The following COMMD10 variants were observed in gnomAD, a reference collection of about 807,000 sequenced individuals.
COMMD10 encodes COMM domain containing 10, also known as COMM domain-containing protein 10.
COMMD10 carries 33 observed loss-of-function variants against 28.9 expected under a neutral mutation model. The observed-to-expected ratio is 1.14, with a 90% CI of 0.87 to 1.53. The LOEUF (loss-of-function observed/expected upper bound fraction) is 1.53. Among genes scored for constraint, COMMD10 ranks in the 40% most tolerant of loss-of-function variants. COMMD10 has a pLI of 0.00. For missense variants in COMMD10, 310 were observed against 233.4 expected (o/e 1.33, Z -2.14); for synonymous variants, 110 against 81.7 (o/e 1.35, Z -1.87).
intron 5 of COMMD10, among the ~76,000 whole-genome samples, chr5:116,171,388 A>G (rs1010244968): frequency 2.6e-5 from 4 of 152,194 alleles, no homozygotes; most frequent in Admixed American, 2.6e-4. Flanking sequence ...TGGGAGTGTA[A>G]ATTAGTTCAA....
At chr5:116,133,999 A>G in intron 4 of COMMD10, 69 bp from the exon 5 acceptor site, 1 of 906,390 alleles carries the variant, frequency 1.1e-6, no homozygotes, top group Non-Finnish European at 1.9e-6. Context: ...CTGAGTGGAG[A>G]TTTGCTTAAA....
intron 5 of COMMD10, among the ~76,000 whole-genome samples, chr5:116,219,904 A>T (rs1215115032): frequency 1.3e-5 from 2 of 152,152 alleles, no homozygotes; most frequent in Admixed American, 1.3e-4. Flanking sequence ...ATTTTTTTCA[A>T]ACACTGATGG....
intron 5 of COMMD10, among the ~76,000 whole-genome samples, chr5:116,169,741 A>G (rs142568627): frequency 0.029 from 4,380 of 152,312 alleles, 107 homozygotes; most frequent in East Asian, 0.13. Context: ...CAAAAACCAC[A>G]TTATTATCTC....
chr5:116,202,347 C>T (rs1040929327), intron 5 of COMMD10, among the ~76,000 whole-genome samples: 21 of 151,736 alleles, frequency 1.4e-4, no homozygotes, highest in African/African-American at 3.9e-4. Context: ...AATAAACATA[C>T]GTGTGCATGT....
chr5:116,097,167 A>G (rs1002904475), intron 4 of COMMD10, among the ~76,000 whole-genome samples: 2 of 152,208 alleles, frequency 1.3e-5, no homozygotes, highest in African/African-American at 4.8e-5. Flanking sequence ...AAAATATGCA[A>G]ATAAAGAAGT....
intron 5 of COMMD10, among the ~76,000 whole-genome samples, chr5:116,184,231 T>TA (rs1280877306): frequency 6.6e-6 from 1 of 151,748 alleles, no homozygotes; most frequent in East Asian, 1.9e-4. Context: ...TTTTTTTTTT[T>TA]AATCCAGGAT....
intron 5 of COMMD10, among the ~76,000 whole-genome samples, chr5:116,232,625 C>T (rs987384651): frequency 6.6e-6 from 1 of 152,026 alleles, no homozygotes; most frequent in Non-Finnish European, 1.5e-5. Context: ...TGCTTAAACC[C>T]CAGGGGGGCA....
intron 4 of COMMD10, among the ~76,000 whole-genome samples, chr5:116,093,299 A>G (rs1750359025): frequency 6.6e-6 from 1 of 152,194 alleles, no homozygotes; most frequent in Non-Finnish European, 1.5e-5. Flanking sequence ...AGGTAATCAC[A>G]CTGTAAATAA....
intron 4 of COMMD10, among the ~76,000 whole-genome samples, chr5:116,127,760 A>G (rs2112763037): frequency 6.6e-6 from 1 of 152,216 alleles, no homozygotes; most frequent in Non-Finnish European, 1.5e-5. Flanking sequence ...AGAACATCAC[A>G]CACTGGGGCC....
intron 4 of COMMD10, among the ~76,000 whole-genome samples, chr5:116,129,862 A>G (rs1446849542): frequency 6.8e-6 from 1 of 147,940 alleles, no homozygotes; most frequent in Admixed American, 6.9e-5. Context: ...ATAGTATTAT[A>G]TAGCTATTAA....
intron 4 of COMMD10, among the ~76,000 whole-genome samples, chr5:116,128,403 A>G (rs1294436865): frequency 1.3e-5 from 2 of 152,014 alleles, no homozygotes; most frequent in African/African-American, 4.8e-5. Context: ...TAAACCTAGG[A>G]CATTAAAGTG....
intron 5 of COMMD10, among the ~76,000 whole-genome samples, chr5:116,237,518 GA>G (rs1480213863): frequency 3.3e-5 from 5 of 151,794 alleles, no homozygotes; most frequent in South Asian, 2.1e-4. Flanking sequence ...AAACGTTACA[GA>G]AAAAAAATTG....
chr5:116,260,770 C>T (rs1750420250), intron 5 of COMMD10, among the ~76,000 whole-genome samples: 1 of 151,298 alleles, frequency 6.6e-6, no homozygotes, highest in Non-Finnish European at 1.5e-5. Flanking sequence ...AGATTAGACC[C>T]CAGGCTTGAA....
intron 5 of COMMD10, among the ~76,000 whole-genome samples, chr5:116,290,166 T>C (rs1430595326): frequency 6.6e-6 from 1 of 151,852 alleles, no homozygotes; most frequent in Non-Finnish European, 1.5e-5. Flanking sequence ...CTCAGAACTT[T>C]AGGGTAAACC....
chr5:116,129,829 G>A (rs998436029), intron 4 of COMMD10, among the ~76,000 whole-genome samples: 5 of 143,990 alleles, frequency 3.5e-5, no homozygotes, highest in African/African-American at 1.3e-4. Context: ...ATATAGTATA[G>A]TATATATACT....
chr5:116,187,519 A>G (rs186348925), intron 5 of COMMD10, among the ~76,000 whole-genome samples: 96 of 152,266 alleles, frequency 6.3e-4, no homozygotes, highest in African/African-American at 1.9e-3. Context: ...CAACCTATCT[A>G]TATATGGCTG....
At position 116,261,878 on chromosome 5, in the gene COMMD10, A is replaced by C. The variant is rs543401438; in HGVS notation, c.511-29639A>C. ...CATTCTTAACTGTTTCGGTTTCAGA[A>C]ATATTTTTTCCCTTTAGTTTTATAA... On this transcript the variant is annotated intron_variant, in intron 5 of 6. Transcript: ENST00000274458. 2.8e-4 allele frequency among the ~76,000 whole-genome samples: 43 copies of C among 151,808 alleles called. No individual in the cohort carries two copies. The South Asian group carries it at 8.7e-3, about 31-fold the overall frequency.
chr5:116,213,647 C>G (rs1479904642), intron 5 of COMMD10, among the ~76,000 whole-genome samples: 2 of 152,036 alleles, frequency 1.3e-5, no homozygotes, highest in East Asian at 1.9e-4. Context: ...CATTGAGTTA[C>G]CATTTGCCAT....
intron 5 of COMMD10, among the ~76,000 whole-genome samples, chr5:116,143,659 A>G (rs1752258679): frequency 1.3e-5 from 2 of 151,856 alleles, no homozygotes; most frequent in African/African-American, 4.8e-5. Flanking sequence ...AATGACAGTA[A>G]TGTAAATGAA....
Sources: allele counts gnomAD v4.1 joint callset (sites outside exome capture counted in the v4.1 genomes callset), GRCh38; gene constraint gnomAD v4.1.1; transcripts MANE v1.5; gene names NCBI Gene and HGNC (gene_info 2026-07-23, HGNC 2026-07-21).